The following SNX29 variants were observed in gnomAD, a reference collection of about 807,000 sequenced individuals.
SNX29 encodes sorting nexin-29.
SNX29 carries 78 observed loss-of-function variants against 102.1 expected under a neutral mutation model. The observed-to-expected ratio is 0.76, with a 90% CI of 0.64 to 0.92. SNX29 has a LOEUF of 0.92. SNX29 is among the 40% of genes least tolerant of loss of function. The pLI is 0.00. For synonymous variants in SNX29, 580 were observed against 414.5 expected, an observed-to-expected ratio of 1.40 and a Z score of -4.85; for missense variants, 1,280 against 1,061.7, an observed-to-expected ratio of 1.21 and a Z score of -2.86.
chr16:12,535,489 C>G (rs1214338703), intron 20 of SNX29, among the ~76,000 whole-genome samples: 1 of 151,884 alleles, frequency 6.6e-6, no homozygotes, highest in African/African-American at 2.4e-5. Context: ...TCCCTTTTTT[C>G]CAGATGAGGA....
intron 20 of SNX29, among the ~76,000 whole-genome samples, chr16:12,561,565 G>A (rs1404824478): frequency 2.0e-5 from 3 of 152,076 alleles, no homozygotes; most frequent in African/African-American, 4.8e-5. Flanking sequence ...GAGCAGTTGA[G>A]GCTGTCCGAT....
intron 18 of SNX29, among the ~76,000 whole-genome samples, chr16:12,468,720 C>A (rs1049606094): frequency 2.6e-5 from 4 of 152,226 alleles, no homozygotes; most frequent in African/African-American, 9.7e-5. Context: ...TGGTATACAA[C>A]AGGCCACCTG....
intron 19 of SNX29, among the ~76,000 whole-genome samples, chr16:12,495,687 C>A (rs550109697): frequency 1.3e-5 from 2 of 152,218 alleles, no homozygotes; most frequent in African/African-American, 4.8e-5. Flanking sequence ...GGAGATATCA[C>A]TGCCCTGTAG....
intron 20 of SNX29, among the ~76,000 whole-genome samples, chr16:12,528,892 C>G (rs1431065035): frequency 6.6e-6 from 1 of 152,208 alleles, no homozygotes; most frequent in East Asian, 1.9e-4. Context: ...AAGATAAAAA[C>G]CAGTGGGTAG....
intron 20 of SNX29, among the ~76,000 whole-genome samples, chr16:12,544,683 C>T (rs992761484): frequency 6.6e-6 from 1 of 152,218 alleles, no homozygotes; most frequent in African/African-American, 2.4e-5. Flanking sequence ...AGAGCGCTGT[C>T]ACTCGAATTC....
intron 13 of SNX29, among the ~76,000 whole-genome samples, chr16:12,175,843 CAAAAATAATTAAAAAAAAAATTAG>C (rs2076248556): frequency 2.0e-5 from 3 of 151,388 alleles, no homozygotes; most frequent in Admixed American, 2.0e-4. Context: ...CATGTTTCTA[CAAAAATAATTAAAAAAAAAATTAG>C]CCATGGACTA....
chr16:12,551,432 G>A (rs74581576), intron 20 of SNX29, among the ~76,000 whole-genome samples: 2 of 152,128 alleles, frequency 1.3e-5, no homozygotes, highest in Admixed American at 6.5e-5. Flanking sequence ...TTGCACATTC[G>A]ATCACCCAGC....
intron 8 of SNX29, among the ~76,000 whole-genome samples, chr16:12,058,494 G>GTTTTTTTT (rs2050616895): frequency 6.3e-5 from 1 of 15,780 alleles, no homozygotes. Context: ...TTTGGTTTTT[G>GTTTTTTTT]GTTTTTTTTT....
chr16:12,176,456 A>G (rs2076263142), intron 13 of SNX29, among the ~76,000 whole-genome samples: 2 of 152,260 alleles, frequency 1.3e-5, no homozygotes, highest in Admixed American at 6.5e-5. Flanking sequence ...ACATCCATAG[A>G]TTCAACCAAC....
chr16:12,564,484 G>A (rs116884288), intron 20 of SNX29, among the ~76,000 whole-genome samples: 2 of 152,308 alleles, frequency 1.3e-5, no homozygotes, highest in Non-Finnish European at 2.9e-5. Context: ...TTTCTCCAAG[G>A]TCTAGAGTGT....
rs2079168048 is a variant in SNX29 at position 12,570,647 on chromosome 16, G to GAC, written c.*2020_*2021dup. On this transcript the variant is annotated 3_prime_UTR_variant, in exon 21 of 21. Transcript: ENST00000566228. ...GGATAAAGGAACCTCCCCCATCTGT[G>GAC]ACATTCCCTTGGGCCCAGGCTTATG... 1 of 232,120 alleles carries GAC rather than the reference G, an allele frequency of 4.3e-6. No homozygotes were observed. The highest frequency in any genetic ancestry group is 5.6e-5 in the Admixed American group (1 of 17,738). The allele number at this position is 232,120 out of a possible 1,614,324, so 14.4% of individuals were successfully genotyped here.
intron 15 of SNX29, among the ~76,000 whole-genome samples, chr16:12,302,882 T>C (rs1362293360): frequency 6.6e-6 from 1 of 152,212 alleles, no homozygotes; most frequent in Non-Finnish European, 1.5e-5. Context: ...AGGATCAATC[T>C]TGGCTCTTGA....
At chr16:12,518,595 G>A (rs561193254) in intron 19 of SNX29, among the ~76,000 whole-genome samples, 1 of 152,286 alleles carries the variant, frequency 6.6e-6, no homozygotes, top group South Asian at 2.1e-4. Flanking sequence ...TCCCTGCGAG[G>A]TTCCCTGAGC....
chr16:12,442,453 T>C (rs1474928192), intron 18 of SNX29, among the ~76,000 whole-genome samples: 1 of 152,218 alleles, frequency 6.6e-6, no homozygotes, highest in Non-Finnish European at 1.5e-5. Flanking sequence ...CAAGTGTTTG[T>C]TGTAAAGGGC....
At chr16:12,562,646 GC>G (rs2078793128) in intron 20 of SNX29, among the ~76,000 whole-genome samples, 1 of 152,146 alleles carries the variant, frequency 6.6e-6, no homozygotes, top group South Asian at 2.1e-4. Context: ...TCCCTGAGGG[GC>G]TGTTTTATGT....
intron 20 of SNX29, among the ~76,000 whole-genome samples, chr16:12,540,987 A>G (rs2077308899): frequency 6.6e-6 from 1 of 152,138 alleles, no homozygotes; most frequent in South Asian, 2.1e-4. Context: ...CAGGGGAAAA[A>G]TGGTGAGCTC....
chr16:12,374,511 C>T (rs1163200012), intron 16 of SNX29: 1 of 152,296 alleles, frequency 6.6e-6, no homozygotes, highest in Admixed American at 6.5e-5. Context: ...TGTTAGATGT[C>T]TCAGGGTCAG....
Position 12,310,118 on chromosome 16 carries a change from ACG to A in SNX29, c.1782+32084_1782+32085del, listed in dbSNP as rs1491526303. ...CACACACATGCACACATACACGTGC[ACG>A]CACACATGCATGCACATACACACTG... is the stretch of plus-strand genomic sequence containing the variant. On this transcript the variant is annotated intron_variant, in intron 15 of 20. Coordinates refer to ENST00000566228, the MANE Select transcript of SNX29 (RefSeq NM_032167.5). 3.1e-3 allele frequency among the ~76,000 whole-genome samples: 85 copies of A among 27,784 alleles called. 1 individual carries two copies. The highest frequency in any genetic ancestry group is 0.028 in the East Asian group (53 of 1,886). The allele number at this position is 27,784 out of a possible 152,430, so 18.2% of individuals were successfully genotyped here.
At chr16:12,527,241 C>T (rs1469515459) in intron 20 of SNX29, 1 of 533,804 alleles carries the variant, frequency 1.9e-6, no homozygotes, top group Non-Finnish European at 3.6e-6. Flanking sequence ...ACAGCCAAGC[C>T]TTACCCGTGC....
Sources: allele counts gnomAD v4.1 joint callset (sites outside exome capture counted in the v4.1 genomes callset), GRCh38; gene constraint gnomAD v4.1.1; transcripts MANE v1.5; gene names NCBI Gene and HGNC (gene_info 2026-07-23, HGNC 2026-07-21).